Variants in TM9SF4 observed in about 807,000 individuals in gnomAD.
The protein encoded by TM9SF4 is dinucleotide oxidase disulfide thiol exchanger 3 superfamily member 4.
TM9SF4 carries 26 observed loss-of-function variants against 90.4 expected under a neutral mutation model. The ratio of observed to expected loss-of-function variants is 0.29; its 90% CI spans 0.21 to 0.40. TM9SF4 has a LOEUF of 0.40. Ranked by LOEUF, TM9SF4 falls within the 10% of genes least tolerant of loss-of-function variation. The pLI, the probability that TM9SF4 is intolerant of heterozygous loss-of-function variation, is 1.00. For missense variants in TM9SF4, 549 were observed against 834.8 expected, an observed-to-expected ratio of 0.66 and a Z score of 4.22; for synonymous variants, 293 against 315.4, an observed-to-expected ratio of 0.93 and a Z score of 0.75.
intron 1 of TM9SF4, among the ~76,000 whole-genome samples, chr20:32,111,823 A>G (rs2046146460): frequency 6.6e-6 from 1 of 152,208 alleles, no homozygotes; most frequent in Non-Finnish European, 1.5e-5. Flanking sequence ...TTTTTGAGGA[A>G]CACACAGAAG....
At chr20:32,132,984 A>T (rs778402547) in intron 1 of TM9SF4, 29 bp from the exon 2 acceptor site, 1 of 1,600,216 alleles carries the variant, frequency 6.2e-7, no homozygotes, top group South Asian at 1.1e-5. Context: ...TCTTCTCCCC[A>T]ATCCAACCCT....
intron 1 of TM9SF4, among the ~76,000 whole-genome samples, chr20:32,123,243 T>G (rs2046362526): frequency 9.6e-6 from 1 of 104,388 alleles, no homozygotes; most frequent in South Asian, 3.6e-4. Flanking sequence ...GGGAGAGGCT[T>G]TTTTTTTTCT....
intron 1 of TM9SF4, among the ~76,000 whole-genome samples, chr20:32,127,521 A>G (rs2046440584): frequency 6.6e-6 from 1 of 152,184 alleles, no homozygotes; most frequent in Non-Finnish European, 1.5e-5. Context: ...GGTAAGTGGA[A>G]AGAAGGAACC....
chr20:32,122,305 G>T (rs1183074196), intron 1 of TM9SF4, among the ~76,000 whole-genome samples: 1 of 130,748 alleles, frequency 7.6e-6, no homozygotes, highest in African/African-American at 3.5e-5. Flanking sequence ...GCGGGGGGCT[G>T]ACCCCCCCCA....
chr20:32,135,799 C>T (rs1027540270), intron 2 of TM9SF4, among the ~76,000 whole-genome samples: 14 of 152,064 alleles, frequency 9.2e-5, no homozygotes, highest in African/African-American at 3.4e-4. Context: ...AGGAAAGATG[C>T]CCAAAAGTGA....
At chr20:32,158,564 TC>T (rs1292572762) in intron 15 of TM9SF4, 50 bp downstream of exon 15, 4 of 1,581,858 alleles carry the variant, frequency 2.5e-6, no homozygotes, top group Non-Finnish European at 3.5e-6. Flanking sequence ...GCCGGGTCAC[TC>T]CCACTCCACT....
At chr20:32,160,210 T>C (rs1332739365) in intron 16 of TM9SF4, 99 bp downstream of exon 16, 10 of 1,539,090 alleles carry the variant, frequency 6.5e-6, no homozygotes, top group Middle Eastern at 2.1e-4. Context: ...GGGCTCTTCA[T>C]GTGGCCCCTG....
At chr20:32,150,244 G>A (rs1286979149) in intron 10 of TM9SF4, among the ~76,000 whole-genome samples, 2 of 152,158 alleles carry the variant, frequency 1.3e-5, no homozygotes, top group South Asian at 2.1e-4. Context: ...GTGAGCCTCC[G>A]TTTCCTTATC....
Position 32,115,806 on chromosome 20 carries a change from G to GTTTTT in TM9SF4, c.15+6051_15+6052insTTTTT, listed in dbSNP as rs1243268586. Among the ~76,000 whole-genome samples the GTTTTT allele has an allele frequency of 6.3e-4, 67 of 106,300 alleles. 10 individuals are homozygous for GTTTTT. Among genetic ancestry groups the GTTTTT allele is most frequent in the South Asian group, 9.0e-4 (3 of 3,342 alleles). The allele number at this position is 106,300 out of a possible 152,430, so 69.7% of individuals were successfully genotyped here. On this transcript the variant is annotated intron_variant, in intron 1 of 17. Coordinates refer to ENST00000398022, the MANE Select transcript of TM9SF4 (RefSeq NM_014742.4). ...GTAATAACAAAACCTACCACTTTAA[G>GTTTTT]CTTTTTTTTTTTTTTTTTTTTTTTT...
At chr20:32,158,648 C>A in intron 15 of TM9SF4, 134 bp downstream of exon 15, 1 of 890,298 alleles carries the variant, frequency 1.1e-6, no homozygotes, top group South Asian at 1.5e-5. Flanking sequence ...CATTCTTCAC[C>A]CTGAAATTGG....
At chr20:32,147,594 T>C (rs1454061848) in intron 9 of TM9SF4, among the ~76,000 whole-genome samples, 1 of 152,216 alleles carries the variant, frequency 6.6e-6, no homozygotes, top group African/African-American at 2.4e-5. Context: ...GGCTCACACC[T>C]GTTATCTCAG....
At chr20:32,150,290 G>A (rs992559627) in intron 10 of TM9SF4, among the ~76,000 whole-genome samples, 2 of 152,112 alleles carry the variant, frequency 1.3e-5, no homozygotes, top group South Asian at 2.1e-4. Context: ...TGCAGAGTTG[G>A]TAAGGTGGAT....
chr20:32,125,480 A>C (rs917065370), intron 1 of TM9SF4, among the ~76,000 whole-genome samples: 85 of 152,234 alleles, frequency 5.6e-4, no homozygotes, highest in African/African-American at 1.9e-3. Context: ...TGTGATTTCA[A>C]GAGCAGCAGC....
At chr20:32,146,967 A>G (rs1301464787) in intron 9 of TM9SF4, 112 bp downstream of exon 9, 7 of 1,057,952 alleles carry the variant, frequency 6.6e-6, no homozygotes, top group Non-Finnish European at 9.5e-6. Context: ...CAAAATACTA[A>G]AACAGTTTAG....
At chr20:32,122,818 G>A (rs912569039) in intron 1 of TM9SF4, among the ~76,000 whole-genome samples, 13 of 152,176 alleles carry the variant, frequency 8.5e-5, no homozygotes, top group African/African-American at 1.9e-4. Flanking sequence ...CAAGACAGGC[G>A]GCTGGGAGGT....
chr20:32,160,356 C>T (rs1416421417), intron 16 of TM9SF4, among the ~76,000 whole-genome samples: 1 of 152,176 alleles, frequency 6.6e-6, no homozygotes, highest in Non-Finnish European at 1.5e-5. Context: ...GATGAAAGGA[C>T]AGTAGATTTG....
intron 6 of TM9SF4, among the ~76,000 whole-genome samples, 156 bp from the exon 7 acceptor site, chr20:32,144,934 GA>G (rs564727723): frequency 6.6e-6 from 1 of 151,708 alleles, no homozygotes; most frequent in Admixed American, 6.6e-5. Flanking sequence ...AATAAAAAAT[GA>G]AAAAAAACCA....
intron 1 of TM9SF4, among the ~76,000 whole-genome samples, chr20:32,131,734 G>A (rs13039023): frequency 6.6e-6 from 1 of 152,190 alleles, no homozygotes; most frequent in Non-Finnish European, 1.5e-5. Context: ...AGACTGCGTA[G>A]AAAGAAGAGA....
chr20:32,128,811 T>C (rs2046464422), intron 1 of TM9SF4, among the ~76,000 whole-genome samples: 2 of 151,582 alleles, frequency 1.3e-5, no homozygotes, highest in South Asian at 4.2e-4. Context: ...TGTGTGTGTG[T>C]GTGTGTGTGT....
Sources: allele counts gnomAD v4.1 joint callset (sites outside exome capture counted in the v4.1 genomes callset), GRCh38; gene constraint gnomAD v4.1.1; transcripts MANE v1.5; gene names NCBI Gene and HGNC (gene_info 2026-07-23, HGNC 2026-07-21).